The following PAPPA2 variants were observed in gnomAD, a reference collection of about 807,000 sequenced individuals.
The protein encoded by PAPPA2 is pappalysin-2.
PAPPA2 carries 86 observed loss-of-function variants against 176.4 expected under a neutral mutation model. The ratio of observed to expected loss-of-function variants is 0.49; its 90% CI spans 0.41 to 0.58. The LOEUF (loss-of-function observed/expected upper bound fraction) is 0.58, where lower values mean the gene tolerates loss of function less well. Ranked by LOEUF, PAPPA2 falls within the 20% of genes least tolerant of loss-of-function variation. The probability of loss-of-function intolerance (pLI) is 0.00; values close to 1 mark genes in which losing one functional copy is unlikely to be tolerated. For synonymous variants in PAPPA2, 809 were observed against 852.2 expected, an observed-to-expected ratio of 0.95 and a Z score of 0.88; for missense variants, 2,073 against 2,256.9, an observed-to-expected ratio of 0.92 and a Z score of 1.65.
intron 12 of PAPPA2, among the ~76,000 whole-genome samples, chr1:176,733,868 C>T (rs545464142): frequency 8.5e-5 from 13 of 152,098 alleles, no homozygotes; most frequent in South Asian, 4.2e-4. Context: ...AAACAGCCCC[C>T]GGCAGGTGTC....
chr1:176,537,015 G>A (rs1408847065), intron 1 of PAPPA2, among the ~76,000 whole-genome samples: 2 of 152,162 alleles, frequency 1.3e-5, no homozygotes, highest in African/African-American at 4.8e-5. Flanking sequence ...GTAGAGTTCT[G>A]TGTGAACCTT....
At chr1:176,532,899 G>A (rs2102554610) in intron 1 of PAPPA2, among the ~76,000 whole-genome samples, 1 of 152,222 alleles carries the variant, frequency 6.6e-6, no homozygotes, top group African/African-American at 2.4e-5. Context: ...CCCCCTGTGG[G>A]CACCCTGCAC....
At chr1:176,540,968 A>C (rs955025297) in intron 1 of PAPPA2, among the ~76,000 whole-genome samples, 1 of 152,198 alleles carries the variant, frequency 6.6e-6, no homozygotes, top group Non-Finnish European at 1.5e-5. Context: ...GAGGCACATT[A>C]TGTGGCATTT....
At chr1:176,572,538 C>T (rs1033433589) in intron 2 of PAPPA2, among the ~76,000 whole-genome samples, 1 of 152,124 alleles carries the variant, frequency 6.6e-6, no homozygotes, top group Non-Finnish European at 1.5e-5. Flanking sequence ...TTTGTGTGGT[C>T]CCTGGGTTGC....
intron 21 of PAPPA2, among the ~76,000 whole-genome samples, chr1:176,813,349 T>G (rs1288994354): frequency 6.6e-6 from 1 of 152,192 alleles, no homozygotes; most frequent in Admixed American, 6.5e-5. Flanking sequence ...CCTCTAGGTC[T>G]TTGAGGAATT....
At chr1:176,500,847 T>C (rs1368151390) in intron 1 of PAPPA2, among the ~76,000 whole-genome samples, 3 of 151,632 alleles carry the variant, frequency 2.0e-5, no homozygotes, top group Admixed American at 6.6e-5. Flanking sequence ...CATTGAGAAG[T>C]CATCCGGAGG....
At chr1:176,766,886 C>T (rs1033304743) in intron 15 of PAPPA2, among the ~76,000 whole-genome samples, 1 of 151,062 alleles carries the variant, frequency 6.6e-6, no homozygotes, top group African/African-American at 2.4e-5. Flanking sequence ...GTTAGCTAGA[C>T]ATCAGTGATT....
chr1:176,716,537 C>T (rs916398575), intron 12 of PAPPA2, among the ~76,000 whole-genome samples: 8 of 151,494 alleles, frequency 5.3e-5, no homozygotes, highest in Non-Finnish European at 8.8e-5. Context: ...TGAGCCACTG[C>T]GCCCAGCCTT....
intron 1 of PAPPA2, among the ~76,000 whole-genome samples, chr1:176,552,607 G>GT (rs1258359580): frequency 1.3e-5 from 2 of 152,068 alleles, no homozygotes; most frequent in African/African-American, 4.8e-5. Flanking sequence ...GCAAAAAACT[G>GT]TTTAAGAAAT....
chr1:176,773,856 T>G (rs187830155), intron 17 of PAPPA2, among the ~76,000 whole-genome samples: 1 of 152,264 alleles, frequency 6.6e-6, no homozygotes, highest in East Asian at 1.9e-4. Flanking sequence ...AAAAGAATGA[T>G]AAGTGCTGGA....
At chr1:176,788,663 C>T (rs1665045194) in intron 17 of PAPPA2, among the ~76,000 whole-genome samples, 1 of 152,150 alleles carries the variant, frequency 6.6e-6, no homozygotes, top group Non-Finnish European at 1.5e-5. Context: ...ATTCCATTGA[C>T]TCCAATCCAC....
intron 21 of PAPPA2, among the ~76,000 whole-genome samples, chr1:176,801,603 G>A (rs1056651039): frequency 1.3e-5 from 2 of 152,044 alleles, no homozygotes; most frequent in Admixed American, 6.6e-5. Context: ...GTGGGGACGC[G>A]GGAGAGAGAA....
At chr1:176,633,346 A>G (rs1041274798) in intron 3 of PAPPA2, among the ~76,000 whole-genome samples, 1 of 152,188 alleles carries the variant, frequency 6.6e-6, no homozygotes, top group Non-Finnish European at 1.5e-5. Flanking sequence ...TCAGAGGATC[A>G]ACAGGACTCA....
rs540273233 is a variant in PAPPA2 at position 176,816,638 on chromosome 1, T to C, written c.5202+16506T>C. 2.6e-5 allele frequency among the ~76,000 whole-genome samples: 4 copies of C among 152,202 alleles called. No homozygotes were observed. The Middle Eastern group carries it at 0.014, about 518-fold the overall frequency. ...TGAGTTCATGCCTTTTTTGTTCCTT[T>C]TTTATACTAATATTTTAGTGGAACT... On this transcript the variant is annotated intron_variant, in intron 21 of 22. Coordinates refer to ENST00000367662, the MANE Select transcript of PAPPA2 (RefSeq NM_020318.3).
chr1:176,548,105 T>C (rs1303383750), intron 1 of PAPPA2, among the ~76,000 whole-genome samples: 2 of 152,228 alleles, frequency 1.3e-5, no homozygotes, highest in African/African-American at 2.4e-5. Context: ...AAATGAAATA[T>C]TTTAATAGAT....
chr1:176,627,756 G>A (rs897798794), intron 3 of PAPPA2, among the ~76,000 whole-genome samples: 12 of 152,148 alleles, frequency 7.9e-5, no homozygotes, highest in Non-Finnish European at 1.5e-4. Flanking sequence ...TAGGAAGGCT[G>A]TTTTTGGGTC....
chr1:176,800,083 G>A lies in PAPPA2; in HGVS notation c.5153G>A (p.Arg1718His), dbSNP rs750969917. Residue 1718 changes from arginine (R) to histidine (H), a missense_variant, in exon 21 of 23, where the codon CGT becomes CAT. Physicochemically the swap from Arg to His is conservative, Grantham distance 29. This residue lies in a region of PAPPA2 where 846 missense variants were observed against 857.9 expected (regional missense o/e 0.99). Coordinates refer to ENST00000367662, the MANE Select transcript of PAPPA2 (RefSeq NM_020318.3). The part of the protein sequence containing the change: ...KVQSIVCTGR[R>H]QWHPDPVLVH... ...TAGAGCATTGTGTGCACTGGCCGGC[G>A]TCAATGGCACCCAGACCCCGTCTTA... The A allele has an allele frequency of 5.4e-5, 87 of 1,613,818 alleles. 1 individual carries two copies. The highest frequency in any genetic ancestry group is 7.7e-5 in the South Asian group (7 of 91,066).
intron 3 of PAPPA2, among the ~76,000 whole-genome samples, chr1:176,650,048 ATGTATACTT>A (rs1477998486): frequency 6.6e-6 from 1 of 151,582 alleles, no homozygotes; most frequent in South Asian, 2.1e-4. Flanking sequence ...ACATCTATTA[ATGTATACTT>A]TATATAATTG....
chr1:176,634,959 ATAGATAAATAG>A (rs1656601857), intron 3 of PAPPA2, among the ~76,000 whole-genome samples: 1 of 117,978 alleles, frequency 8.5e-6, no homozygotes, highest in African/African-American at 3.4e-5. Flanking sequence ...AGATAGATAG[ATAGATAAATAG>A]ATAGATAGAT....
Sources: gnomAD v4.1 joint callset for allele counts (sites outside exome capture counted in the v4.1 genomes callset) on GRCh38, gnomAD v4.1.1 for gene constraint, gnomAD v4.1.1 regional missense constraint, MANE v1.5 for transcripts, NCBI Gene and HGNC (gene_info 2026-07-23, HGNC 2026-07-21) for gene names.